The following SLC7A1 variants were observed in gnomAD, a reference collection of about 807,000 sequenced individuals.
The protein encoded by SLC7A1 is high affinity cationic amino acid transporter 1.
Under a neutral mutation model 53.9 loss-of-function variants are expected in SLC7A1, and 10 were observed. The observed-to-expected ratio is 0.19, with a 90% CI of 0.11 to 0.31. The LOEUF is 0.31. SLC7A1 is among the 10% of genes least tolerant of loss of function. The pLI is 1.00. For synonymous variants in SLC7A1, 342 were observed against 338.7 expected, an observed-to-expected ratio of 1.01 and a Z score of -0.11; for missense variants, 525 against 827.2, an observed-to-expected ratio of 0.63 and a Z score of 4.48.
At chr13:29,523,085 A>G (rs1409537014) in intron 7 of SLC7A1, among the ~76,000 whole-genome samples, 181 bp downstream of exon 7, 1 of 152,176 alleles carries the variant, frequency 6.6e-6, no homozygotes, top group Non-Finnish European at 1.5e-5. Context: ...TGGGATGATG[A>G]ATACTGGCCA....
intron 6 of SLC7A1, 28 bp downstream of exon 6, chr13:29,524,104 C>G (rs774386696): frequency 2.5e-6 from 4 of 1,611,638 alleles, no homozygotes; most frequent in Non-Finnish European, 3.4e-6. Context: ...GCAGGAGGAC[C>G]CGGGACCGCA....
chr13:29,592,212 C>G (rs1872139024), intron 1 of SLC7A1, among the ~76,000 whole-genome samples: 2 of 152,206 alleles, frequency 1.3e-5, no homozygotes, highest in South Asian at 4.1e-4. Flanking sequence ...GGCTCTGATT[C>G]CAGTTATCCA....
At chr13:29,527,406 G>C (rs968458056) in intron 5 of SLC7A1, among the ~76,000 whole-genome samples, 10 of 152,304 alleles carry the variant, frequency 6.6e-5, no homozygotes, top group African/African-American at 2.4e-4. Context: ...CAGTGGCAGA[G>C]TATCAACACA....
At position 29,510,344 on chromosome 13, in the gene SLC7A1, T is replaced by A. The variant is rs191046361; in HGVS notation, c.*4136A>T. ...TTTTGCCTTAAAAATACATTAGGAG[T>A]CATAAGCGTGATGACACATGGAGTG... On this transcript the variant is annotated 3_prime_UTR_variant, in exon 13 of 13. Coordinates refer to ENST00000380752, the MANE Select transcript of SLC7A1 (RefSeq NM_003045.5). 6.6e-6 allele frequency: 1 copy of A among 152,334 alleles called. No homozygotes were observed. Among genetic ancestry groups the A allele is most frequent in the Admixed American group, 6.6e-5 (1 of 15,258 alleles). The allele number at this position is 152,334 out of a possible 1,614,324, so 9.4% of individuals were successfully genotyped here. A position where few individuals can be genotyped will look rare whatever the true frequency, so the allele number is the denominator to read the frequency against.
intron 2 of SLC7A1, among the ~76,000 whole-genome samples, chr13:29,537,332 CCAGG>C (rs1869467887): frequency 6.6e-6 from 1 of 152,222 alleles, no homozygotes; most frequent in African/African-American, 2.4e-5. Flanking sequence ...ACCCACAGCC[CCAGG>C]CTAACCATGG....
intron 4 of SLC7A1, among the ~76,000 whole-genome samples, chr13:29,531,124 CTT>C (rs1271216507): frequency 6.6e-6 from 1 of 152,186 alleles, no homozygotes; most frequent in Non-Finnish European, 1.5e-5. Context: ...GGAAGAAAGA[CTT>C]TGCATAGTTT....
Position 29,514,385 on chromosome 13 carries a change from G to A in SLC7A1, c.*95C>T, listed in dbSNP as rs2139062784. On this transcript the variant is annotated 3_prime_UTR_variant, in exon 13 of 13. Coordinates refer to ENST00000380752, the MANE Select transcript of SLC7A1 (RefSeq NM_003045.5). ...TGCAGTGAGGGTGTGGACGCAGGTG[G>A]TTTCTGTTGCACTGGTGGGGAGGGT... 1 of 843,206 alleles carries A rather than the reference G, an allele frequency of 1.2e-6. No individual in the cohort carries two copies. 52.2% of individuals were successfully genotyped at this position (843,206 alleles called of 1,614,324 possible).
At chr13:29,566,640 G>A (rs9579407) in intron 1 of SLC7A1, among the ~76,000 whole-genome samples, 10,378 of 152,248 alleles carry the variant, frequency 0.068, 421 homozygotes, top group Middle Eastern at 0.16. Context: ...TAATGGGTAC[G>A]AGTTTCCTTT....
chr13:29,551,259 G>A (rs1438279907), intron 2 of SLC7A1, among the ~76,000 whole-genome samples: 1 of 152,202 alleles, frequency 6.6e-6, no homozygotes, highest in South Asian at 2.1e-4. Flanking sequence ...CACCTACTGT[G>A]TGCCCTCCCT....
intron 2 of SLC7A1, among the ~76,000 whole-genome samples, chr13:29,547,776 G>A (rs955294477): frequency 3.9e-5 from 6 of 152,308 alleles, no homozygotes; most frequent in Non-Finnish European, 7.3e-5. Context: ...GCTGATAAGC[G>A]GGTACACGGG....
At chr13:29,554,149 G>A (rs181641408) in intron 1 of SLC7A1, among the ~76,000 whole-genome samples, 150 of 152,280 alleles carry the variant, frequency 9.9e-4, no homozygotes, top group African/African-American at 3.4e-3. Context: ...ATAGAAAAGC[G>A]TCACACCGGC....
chr13:29,514,414 G>A lies in SLC7A1; in HGVS notation c.*66C>T. On this transcript the variant is annotated 3_prime_UTR_variant, in exon 13 of 13. Transcript: ENST00000380752. ...CTGTTGCACTGGTGGGGAGGGTGGG[G>A]TGCCTCCCGGTCCTCTGGGGGCGTC... 1 of 1,169,694 alleles carries A rather than the reference G, an allele frequency of 8.5e-7. No homozygotes were observed. Among genetic ancestry groups the A allele is most frequent in the Non-Finnish European group, 1.3e-6 (1 of 797,398 alleles). The allele number at this position is 1,169,694 out of a possible 1,614,324, so 72.5% of individuals were successfully genotyped here. A position where few individuals can be genotyped will look rare whatever the true frequency, so the allele number is the denominator to read the frequency against.
At chr13:29,533,332 TA>T (rs565605365) in intron 3 of SLC7A1, among the ~76,000 whole-genome samples, 3 of 152,158 alleles carry the variant, frequency 2.0e-5, no homozygotes, top group Non-Finnish European at 2.9e-5. Flanking sequence ...TTTGTTTCAT[TA>T]AAAAAAGTAA....
chr13:29,568,978 CG>C (rs1443448975), intron 1 of SLC7A1, among the ~76,000 whole-genome samples: 1 of 152,192 alleles, frequency 6.6e-6, no homozygotes, highest in Non-Finnish European at 1.5e-5. Context: ...TTCATCAAAA[CG>C]GGTCTCTGTC....
rs774518503 is a variant in SLC7A1 at position 29,535,979 on chromosome 13, G to A, written c.210C>T (p.Phe70=). The A allele has an allele frequency of 6.2e-7, 1 of 1,614,178 alleles. No individual in the cohort carries two copies. The highest frequency in any genetic ancestry group is 2.2e-5 in the East Asian group (1 of 44,880). The change falls in exon 3 of 13, where the codon TTC becomes TTT. Residue 70 remains phenylalanine (F), a synonymous_variant. Coordinates refer to ENST00000380752, the MANE Select transcript of SLC7A1 (RefSeq NM_003045.5). ...ENAGPAIVIS[F]LIAALASVLA... ...GCACTGAGGCCAGCGCAGCGATCAG[G>A]AAGGAGATGACAATGGCAGGGCCTG...
chr13:29,531,990 T>C (rs1869184627), intron 4 of SLC7A1, among the ~76,000 whole-genome samples: 1 of 152,222 alleles, frequency 6.6e-6, no homozygotes, highest in Admixed American at 6.5e-5. Flanking sequence ...CCTCTCAGGT[T>C]TATTAAAATG....
chr13:29,552,316 A>G (rs1870237042), intron 2 of SLC7A1, among the ~76,000 whole-genome samples: 1 of 152,146 alleles, frequency 6.6e-6, no homozygotes, highest in Admixed American at 6.5e-5. Flanking sequence ...GTGATAAAAT[A>G]TCAATGATAA....
chr13:29,545,506 C>T (rs931712100), intron 2 of SLC7A1, among the ~76,000 whole-genome samples: 1 of 152,224 alleles, frequency 6.6e-6, no homozygotes, highest in African/African-American at 2.4e-5. Flanking sequence ...TGCTGTGAGG[C>T]TCACATGAGA....
In SLC7A1 at chr13:29,530,701, G is replaced by A. The variant is rs1253262295; in HGVS notation, c.541C>T (p.Leu181Phe). Residue 181 changes from leucine to phenylalanine, a missense_variant, in exon 5 of 13, where the codon CTT becomes TTT. Around this residue, in one of 4 missense-constraint regions of SLC7A1, gnomAD observed 354 missense variants for 587.5 expected, o/e 0.60. Coordinates refer to ENST00000380752, the MANE Select transcript of SLC7A1 (RefSeq NM_003045.5). ...ACCATGGCCGACTCTTTCACACCAA[G>A]AGTTAAAAGTCCTGAAAAAGTGCAT... ...IILILTGLLTLGVKESAMVNK... is the reference protein window; with the variant it reads ...IILILTGLLTFGVKESAMVNK... 1 of 1,613,914 alleles carries A rather than the reference G, an allele frequency of 6.2e-7. No homozygotes were observed. The highest frequency in any genetic ancestry group is 1.1e-5 in the South Asian group (1 of 91,048).
Sources: gnomAD v4.1 joint callset for allele counts (sites outside exome capture counted in the v4.1 genomes callset) on GRCh38, gnomAD v4.1.1 for gene constraint, gnomAD v4.1.1 regional missense constraint, MANE v1.5 for transcripts, NCBI Gene and HGNC (gene_info 2026-07-23, HGNC 2026-07-21) for gene names.